The following SPPL3 variants were observed in gnomAD, a reference collection of about 807,000 sequenced individuals.
SPPL3 encodes signal peptide peptidase like 3.
Under a neutral mutation model 42.4 loss-of-function variants are expected in SPPL3, and 5 were observed. The ratio of observed to expected loss-of-function variants is 0.12; its 90% confidence interval spans 0.06 to 0.25. The LOEUF (loss-of-function observed/expected upper bound fraction) is 0.25. SPPL3 is among the 10% of genes least tolerant of loss of function. The pLI is 1.00. For synonymous variants in SPPL3, 195 were observed against 181.8 expected (o/e 1.07, Z -0.58); for missense variants, 235 against 489.0 (o/e 0.48, Z 4.90).
intron 2 of SPPL3, among the ~76,000 whole-genome samples, chr12:120,796,000 T>C (rs1393827264): frequency 6.6e-6 from 1 of 152,232 alleles, no homozygotes; most frequent in Non-Finnish European, 1.5e-5. Context: ...AGTTTCTAAT[T>C]GCTGTTAATC....
intron 2 of SPPL3, among the ~76,000 whole-genome samples, 198 bp downstream of exon 2, chr12:120,810,611 T>C (rs1870651642): frequency 6.6e-6 from 1 of 152,224 alleles, no homozygotes; most frequent in Non-Finnish European, 1.5e-5. Context: ...AGCATTAACA[T>C]GCTAAACTCA....
intron 2 of SPPL3, among the ~76,000 whole-genome samples, chr12:120,797,184 A>T (rs910685656): frequency 2.6e-5 from 4 of 152,130 alleles, no homozygotes; most frequent in African/African-American, 9.7e-5. Flanking sequence ...ACAAACAAAA[A>T]ACAACAAACA....
At chr12:120,785,350 G>C (rs762277858) in intron 3 of SPPL3, among the ~76,000 whole-genome samples, 2 of 152,066 alleles carry the variant, frequency 1.3e-5, no homozygotes. Context: ...AGGATTTAGC[G>C]CAAGGGTTCT....
chr12:120,904,077 G>T lies in SPPL3; in HGVS notation c.-210C>A. ...CCCGCTCCCTGGGCCCCGGGGCGGG[G>T]CGGGCTCCGCTCTCGGCCTCCCTCA... On this transcript the variant is annotated 5_prime_UTR_variant, in exon 1 of 11. Coordinates refer to ENST00000353487, the MANE Select transcript of SPPL3 (RefSeq NM_139015.5). 3.0e-6 allele frequency: 1 copy of T among 330,818 alleles called. No individual in the cohort carries two copies. The highest frequency in any genetic ancestry group is 4.9e-5 in the East Asian group (1 of 20,596). 20.5% of individuals were successfully genotyped at this position (330,818 alleles called of 1,614,324 possible).
intron 4 of SPPL3, 81 bp from the exon 5 acceptor site, chr12:120,783,833 A>G: frequency 8.4e-7 from 1 of 1,187,144 alleles, no homozygotes; most frequent in Non-Finnish European, 1.2e-6. Flanking sequence ...TCCGCCAAAC[A>G]CTAGACAAGT....
At chr12:120,766,220 A>G in intron 10 of SPPL3, 43 bp downstream of exon 10, 1 of 1,504,508 alleles carries the variant, frequency 6.6e-7, no homozygotes, top group South Asian at 1.3e-5. Flanking sequence ...GCACAGGCCA[A>G]TCCAAGTTAT....
At chr12:120,878,257 A>G (rs1177690053) in intron 1 of SPPL3, among the ~76,000 whole-genome samples, 1 of 152,228 alleles carries the variant, frequency 6.6e-6, no homozygotes, top group Non-Finnish European at 1.5e-5. Flanking sequence ...GAAGGAATAT[A>G]CCAGAATATC....
intron 1 of SPPL3, among the ~76,000 whole-genome samples, chr12:120,859,445 T>A (rs562868700): frequency 1.3e-5 from 2 of 152,348 alleles, no homozygotes; most frequent in African/African-American, 4.8e-5. Flanking sequence ...TTTCAAGCAA[T>A]AACTGAAGTT....
At chr12:120,770,867 C>G (rs1555246681) in intron 6 of SPPL3, among the ~76,000 whole-genome samples, 1 of 152,212 alleles carries the variant, frequency 6.6e-6, no homozygotes, top group Non-Finnish European at 1.5e-5. Flanking sequence ...GCCTAAGAGA[C>G]ATATATACTT....
chr12:120,826,565 G>A (rs993959531), intron 1 of SPPL3, among the ~76,000 whole-genome samples: 1 of 152,112 alleles, frequency 6.6e-6, no homozygotes, highest in African/African-American at 2.4e-5. Flanking sequence ...GGGGAAACCT[G>A]TTCAGTGTTA....
At chr12:120,812,763 C>T (rs1472616028) in intron 1 of SPPL3, among the ~76,000 whole-genome samples, 1 of 152,210 alleles carries the variant, frequency 6.6e-6, no homozygotes, top group Non-Finnish European at 1.5e-5. Flanking sequence ...TGCTCTACCA[C>T]TTACTAGTAG....
chr12:120,882,799 C>T (rs1010118239), intron 1 of SPPL3, among the ~76,000 whole-genome samples: 3 of 151,994 alleles, frequency 2.0e-5, no homozygotes, highest in Non-Finnish European at 4.4e-5. Flanking sequence ...GAAGCCAAGG[C>T]GAAAGATTGC....
At chr12:120,867,820 T>C (rs1278866480) in intron 1 of SPPL3, among the ~76,000 whole-genome samples, 2 of 151,764 alleles carry the variant, frequency 1.3e-5, no homozygotes, top group African/African-American at 4.8e-5. Context: ...TGATCTCGGC[T>C]CACCGCAACC....
In SPPL3 at chr12:120,779,820, C is replaced by CAAAAAAAAA. The variant is rs1164272443; in HGVS notation, c.502+2826_502+2834dup. Among the ~76,000 whole-genome samples, 115 of 42,772 alleles carry CAAAAAAAAA rather than the reference C, an allele frequency of 2.7e-3. 1 individual carries two copies. The highest frequency in any genetic ancestry group is 3.5e-3 in the East Asian group (4 of 1,152). 28.1% of individuals were successfully genotyped at this position (42,772 alleles called of 152,430 possible). On this transcript the variant is annotated intron_variant, in intron 6 of 10. Coordinates refer to ENST00000353487, the MANE Select transcript of SPPL3 (RefSeq NM_139015.5). ...CGAAACCTTGTCTCTACTAAAAATA[C>CAAAAAAAAA]AAAAAAAAAAAAAAAAAAAAAAAAA...
At chr12:120,801,891 G>C (rs1870309208) in intron 2 of SPPL3, among the ~76,000 whole-genome samples, 1 of 152,152 alleles carries the variant, frequency 6.6e-6, no homozygotes, top group African/African-American at 2.4e-5. Flanking sequence ...TTGGGTGTAA[G>C]TATAAATTCC....
intron 1 of SPPL3, among the ~76,000 whole-genome samples, chr12:120,829,820 C>G (rs547882473): frequency 7.9e-5 from 12 of 151,924 alleles, no homozygotes; most frequent in Non-Finnish European, 1.8e-4. Flanking sequence ...ATGGTAAAAC[C>G]CTGTTTCTAC....
chr12:120,813,732 A>C (rs1165804625), intron 1 of SPPL3, among the ~76,000 whole-genome samples: 1 of 152,168 alleles, frequency 6.6e-6, no homozygotes, highest in Non-Finnish European at 1.5e-5. Context: ...TGGGTTCCTA[A>C]GGAAGCCAAC....
chr12:120,862,815 T>C (rs551895001), intron 1 of SPPL3, among the ~76,000 whole-genome samples: 38 of 152,168 alleles, frequency 2.5e-4, no homozygotes, highest in African/African-American at 7.9e-4. Context: ...TCTGCAGAGG[T>C]TGAGGGAAGG....
At chr12:120,766,131 C>G in intron 10 of SPPL3, 132 bp downstream of exon 10, 1 of 564,236 alleles carries the variant, frequency 1.8e-6, no homozygotes. Flanking sequence ...CACACACACA[C>G]ACACACACAC....
Sources: gnomAD v4.1 joint callset for allele counts (sites outside exome capture counted in the v4.1 genomes callset) on GRCh38, gnomAD v4.1.1 for gene constraint, MANE v1.5 for transcripts, NCBI Gene and HGNC (gene_info 2026-07-23, HGNC 2026-07-21) for gene names.